SLCO1A2: variants seen among roughly 807,000 people sequenced by gnomAD.
SLCO1A2 encodes solute carrier organic anion transporter family member 1A2.
Under a neutral mutation model 69.0 loss-of-function variants are expected in SLCO1A2, and 67 were observed. The ratio of observed to expected loss-of-function variants is 0.97; its 90% CI spans 0.80 to 1.19. The LOEUF (loss-of-function observed/expected upper bound fraction) is 1.19, where lower values mean the gene tolerates loss of function less well. Among genes scored for constraint, SLCO1A2 ranks in the 50% most tolerant of loss-of-function variants. The pLI is 0.00. For synonymous variants in SLCO1A2, 260 were observed against 265.9 expected (o/e 0.98, Z 0.22); for missense variants, 787 against 793.7 (o/e 0.99, Z 0.10).
intron 1 of SLCO1A2, among the ~76,000 whole-genome samples, chr12:21,415,246 C>A (rs1941971179): frequency 6.6e-6 from 1 of 151,978 alleles, no homozygotes; most frequent in South Asian, 2.1e-4. Context: ...CTTAATGAGA[C>A]CAGAACTATC....
intron 5 of SLCO1A2, 84 bp downstream of exon 5, chr12:21,306,798 A>G (rs1363470078): frequency 8.5e-6 from 7 of 827,006 alleles, no homozygotes; most frequent in Admixed American, 2.1e-5. Context: ...ATCTAACTCA[A>G]TCAATATCTC....
intron 8 of SLCO1A2, among the ~76,000 whole-genome samples, chr12:21,297,918 C>A (rs1393314793): frequency 4.6e-5 from 7 of 152,110 alleles, no homozygotes; most frequent in African/African-American, 7.2e-5. Flanking sequence ...TTAATATATT[C>A]TTTTTTCTAC....
intron 2 of SLCO1A2, among the ~76,000 whole-genome samples, chr12:21,341,421 T>G (rs1284168651): frequency 6.7e-6 from 1 of 148,286 alleles, no homozygotes; most frequent in Non-Finnish European, 1.5e-5. Context: ...TCATTAAAAA[T>G]CATTGGAATT....
chr12:21,407,516 T>C (rs1024506577), intron 1 of SLCO1A2, among the ~76,000 whole-genome samples: 1 of 152,152 alleles, frequency 6.6e-6, no homozygotes, highest in Non-Finnish European at 1.5e-5. Context: ...AAAGGCCTAT[T>C]TGGGCCAGGT....
intron 2 of SLCO1A2, among the ~76,000 whole-genome samples, chr12:21,367,013 CTCAG>C: frequency 6.6e-6 from 1 of 151,616 alleles, no homozygotes; most frequent in Non-Finnish European, 1.5e-5. Flanking sequence ...GAGTTTCCAG[CTCAG>C]TCAATAGAAA....
chr12:21,334,815 TTACA>T lies in SLCO1A2; in HGVS notation c.-63+8_-63+11del. ...AACAACATAATTGAAATCCATTGCA[TTACA>T]AAAATACCTGGAACGCTTTAATACA... On this transcript the variant is annotated splice_region_variant and intron_variant, in intron 1 of 14. Transcript: ENST00000683939. The T allele has an allele frequency of 1.8e-6, 1 of 560,458 alleles. No individual in the cohort carries two copies. 34.7% of individuals were successfully genotyped at this position (560,458 alleles called of 1,614,324 possible). A position where few individuals can be genotyped will look rare whatever the true frequency, so the allele number is the denominator to read the frequency against.
chr12:21,336,078 GT>G (rs1249509609), upstream of SLCO1A2, among the ~76,000 whole-genome samples: 2 of 151,974 alleles, frequency 1.3e-5, no homozygotes, highest in African/African-American at 4.8e-5. Context: ...AAATTCACAG[GT>G]TATTGTTCTG....
upstream of SLCO1A2, among the ~76,000 whole-genome samples, chr12:21,339,130 T>C (rs1425803502): frequency 6.6e-6 from 1 of 152,038 alleles, no homozygotes; most frequent in East Asian, 1.9e-4. Context: ...ACTCTGTCAA[T>C]GACAGTGATT....
intron 2 of SLCO1A2, among the ~76,000 whole-genome samples, chr12:21,359,945 C>A (rs59104974): frequency 4.1e-4 from 62 of 152,086 alleles, no homozygotes; most frequent in African/African-American, 1.4e-3. Context: ...CACAATGAAA[C>A]ACTACTCCAC....
upstream of SLCO1A2, among the ~76,000 whole-genome samples, chr12:21,337,937 G>A (rs1372582940): frequency 1.3e-5 from 2 of 151,980 alleles, no homozygotes; most frequent in South Asian, 4.1e-4. Context: ...ACCATGCAAA[G>A]CAAAGACTGG....
At chr12:21,294,243 T>A in intron 10 of SLCO1A2, 133 bp from the exon 11 acceptor site, 2 of 665,420 alleles carry the variant, frequency 3.0e-6, no homozygotes, top group Non-Finnish European at 2.4e-6. Flanking sequence ...GTCATCAATG[T>A]GTGACCTGTT....
At chr12:21,271,750 G>A (rs1005587415) in intron 14 of SLCO1A2, among the ~76,000 whole-genome samples, 1 of 147,092 alleles carries the variant, frequency 6.8e-6, no homozygotes, top group Non-Finnish European at 1.5e-5. Flanking sequence ...ATTTACATAT[G>A]TAATATAGCT....
intron 12 of SLCO1A2, among the ~76,000 whole-genome samples, chr12:21,291,126 A>C (rs931487949): frequency 6.6e-6 from 1 of 152,174 alleles, no homozygotes; most frequent in Non-Finnish European, 1.5e-5. Context: ...AGTATTTTAC[A>C]CCCATTGGAT....
chr12:21,299,701 T>G (rs1236979181), intron 8 of SLCO1A2, among the ~76,000 whole-genome samples: 1 of 149,988 alleles, frequency 6.7e-6, no homozygotes, highest in Non-Finnish European at 1.5e-5. Flanking sequence ...TTGTTCATTT[T>G]GTTTCAATTC....
At chr12:21,414,874 T>G (rs1260152486) in intron 1 of SLCO1A2, among the ~76,000 whole-genome samples, 1 of 152,146 alleles carries the variant, frequency 6.6e-6, no homozygotes, top group Non-Finnish European at 1.5e-5. Flanking sequence ...CCATAGTGCA[T>G]TGAATCCTTA....
intron 2 of SLCO1A2, among the ~76,000 whole-genome samples, chr12:21,342,383 C>A (rs1453437912): frequency 1.3e-5 from 2 of 151,942 alleles, no homozygotes; most frequent in Non-Finnish European, 2.9e-5. Context: ...ACTCTTATTT[C>A]TTCCATTTTA....
intron 2 of SLCO1A2, chr12:21,373,125 C>G: frequency 1.8e-6 from 1 of 570,002 alleles, no homozygotes; most frequent in Non-Finnish European, 3.1e-6. Context: ...TATAAATGTT[C>G]AGATTGCTTA....
At chr12:21,332,859 T>A (rs1212713820) in intron 2 of SLCO1A2, among the ~76,000 whole-genome samples, 1 of 152,048 alleles carries the variant, frequency 6.6e-6, no homozygotes, top group Non-Finnish European at 1.5e-5. Flanking sequence ...ACATGGGAAT[T>A]TGGATGGGAC....
intron 2 of SLCO1A2, among the ~76,000 whole-genome samples, chr12:21,319,819 T>C (rs1357216918): frequency 4.6e-5 from 7 of 152,272 alleles, no homozygotes; most frequent in Middle Eastern, 3.4e-3. Context: ...AGTTCACAGA[T>C]AGAACCACTG....
Sources: allele counts gnomAD v4.1 joint callset (sites outside exome capture counted in the v4.1 genomes callset), GRCh38; gene constraint gnomAD v4.1.1; transcripts MANE v1.5; gene names NCBI Gene and HGNC (gene_info 2026-07-23, HGNC 2026-07-21).